Variants in KIAA1328 observed in about 807,000 individuals in gnomAD.
KIAA1328 encodes the protein KIAA1328.
Under a neutral mutation model 68.1 loss-of-function variants are expected in KIAA1328, and 52 were observed. The ratio of observed to expected loss-of-function variants is 0.76; its 90% CI spans 0.61 to 0.96. The LOEUF (loss-of-function observed/expected upper bound fraction) is 0.96. Ranked by LOEUF, KIAA1328 falls within the 40% of genes least tolerant of loss-of-function variation. KIAA1328 has a pLI of 0.00. For synonymous variants in KIAA1328, 232 were observed against 239.4 expected (o/e 0.97, Z 0.28); for missense variants, 641 against 677.6 (o/e 0.95, Z 0.60).
intron 7 of KIAA1328, chr18:37,075,461 G>C (rs937283983): frequency 6.6e-6 from 1 of 152,130 alleles, no homozygotes; most frequent in Non-Finnish European, 1.5e-5. Flanking sequence ...CATAATGACA[G>C]GAACAAATTC....
At chr18:37,026,544 C>T (rs2054589636) in intron 6 of KIAA1328, among the ~76,000 whole-genome samples, 1 of 152,150 alleles carries the variant, frequency 6.6e-6, no homozygotes, top group South Asian at 2.1e-4. Flanking sequence ...TGGTCTTCAT[C>T]CCTGGGATGC....
intron 4 of KIAA1328, among the ~76,000 whole-genome samples, chr18:36,869,606 G>T (rs1317342310): frequency 6.6e-6 from 1 of 152,012 alleles, no homozygotes; most frequent in Admixed American, 6.6e-5. Context: ...CTATTCTCAG[G>T]CAGTTTTCAT....
intron 8 of KIAA1328, among the ~76,000 whole-genome samples, chr18:37,163,984 G>A (rs1046483672): frequency 6.6e-6 from 1 of 152,080 alleles, no homozygotes; most frequent in Non-Finnish European, 1.5e-5. Context: ...ACTAAAAAAA[G>A]GAATTCAAAT....
intron 6 of KIAA1328, among the ~76,000 whole-genome samples, chr18:36,963,864 G>T (rs2051803507): frequency 6.6e-6 from 1 of 152,164 alleles, no homozygotes. Context: ...TGTACACTCA[G>T]AGCCTAACAT....
intron 9 of KIAA1328, among the ~76,000 whole-genome samples, chr18:37,213,511 G>A (rs1012592306): frequency 2.0e-5 from 3 of 152,164 alleles, no homozygotes; most frequent in Non-Finnish European, 4.4e-5. Flanking sequence ...GTATTCCATG[G>A]TGTATATGTG....
rs1353978222 is a variant in KIAA1328, at chr18:37,004,928, A to C, written c.576+45493A>C. Among the ~76,000 whole-genome samples the C allele has an allele frequency of 1.3e-5, 2 of 152,192 alleles. 1 individual carries two copies. The highest frequency in any genetic ancestry group is 4.1e-4 in the South Asian group (2 of 4,832). On this transcript the variant is annotated intron_variant, in intron 6 of 9. Coordinates refer to ENST00000280020, the MANE Select transcript of KIAA1328 (RefSeq NM_020776.3). ...GATTACTACTCAGCCATAAAAAGGA[A>C]CAAATTAATGACATTTGCAGCCACC...
chr18:37,022,608 T>C (rs915081666), intron 6 of KIAA1328, among the ~76,000 whole-genome samples: 2 of 152,152 alleles, frequency 1.3e-5, no homozygotes, highest in Non-Finnish European at 2.9e-5. Context: ...TATCTTCCAA[T>C]AAAAAACTCT....
At chr18:36,989,230 G>A (rs935685329) in intron 6 of KIAA1328, among the ~76,000 whole-genome samples, 16 of 152,002 alleles carry the variant, frequency 1.1e-4, no homozygotes, top group Admixed American at 7.2e-4. Context: ...GGTGCTTTGA[G>A]AATAAAAATG....
intron 7 of KIAA1328, among the ~76,000 whole-genome samples, chr18:37,135,079 A>G (rs912616336): frequency 6.6e-6 from 1 of 151,988 alleles, no homozygotes; most frequent in Admixed American, 6.6e-5. Context: ...TACTTGCCAT[A>G]TTTCCTTTGT....
intron 5 of KIAA1328, among the ~76,000 whole-genome samples, chr18:36,925,196 C>A (rs2050067294): frequency 1.3e-5 from 2 of 151,982 alleles, no homozygotes; most frequent in South Asian, 2.1e-4. Context: ...TGTGAAATCT[C>A]TATATAATTT....
chr18:37,120,595 CAAA>C (rs1051672765), intron 7 of KIAA1328, among the ~76,000 whole-genome samples: 2 of 152,088 alleles, frequency 1.3e-5, no homozygotes, highest in Non-Finnish European at 2.9e-5. Context: ...TTACTTAAGA[CAAA>C]GAAGGTCTGG....
Position 37,223,987 on chromosome 18 carries a change from T to C in KIAA1328, c.*1760T>C, listed in dbSNP as rs572525311. ...TCTTTATAAAGTTCACCTCTGAGAGTAACCAAATCGGTTTCATCCCATATC... is the reference window on the plus strand; with the variant it reads ...TCTTTATAAAGTTCACCTCTGAGAGCAACCAAATCGGTTTCATCCCATATC... On this transcript the variant is annotated 3_prime_UTR_variant, in exon 10 of 10. Transcript: ENST00000280020. 6.8e-5 allele frequency: 67 copies of C among 985,410 alleles called. No individual in the cohort carries two copies. In the African/African-American group the frequency reaches 1.2e-3, roughly 17 times the overall value. The allele number at this position is 985,410 out of a possible 1,614,324, so 61.0% of individuals were successfully genotyped here.
chr18:37,057,154 ATTG>A (rs2055943789), intron 6 of KIAA1328, among the ~76,000 whole-genome samples: 2 of 152,094 alleles, frequency 1.3e-5, no homozygotes, highest in African/African-American at 4.8e-5. Flanking sequence ...TTCAAGTCAT[ATTG>A]TTCACTTTTA....
intron 9 of KIAA1328, among the ~76,000 whole-genome samples, chr18:37,217,087 A>C (rs560630245): frequency 3.9e-4 from 59 of 149,850 alleles, no homozygotes; most frequent in African/African-American, 1.3e-3. Flanking sequence ...GAGTCTCCTG[A>C]ATACAGCACA....
At chr18:36,982,755 T>G (rs978554621) in intron 6 of KIAA1328, among the ~76,000 whole-genome samples, 11 of 152,014 alleles carry the variant, frequency 7.2e-5, no homozygotes, top group Admixed American at 6.5e-4. Flanking sequence ...TATAAGTCAT[T>G]TTAAATGTAA....
chr18:37,173,008 T>C lies in KIAA1328; in HGVS notation c.1450T>C (p.Ser484Pro). ...VTGVRKDAST[S>P]PMPTGSLKDF... ...AGGAGTTAGAAAAGATGCGTCTACA[T>C]CTCCTATGCCAACAGGAAGCCTAAA... The change falls in exon 9 of 10, where the codon TCT becomes CCT. Residue 484 changes from serine to proline, a missense_variant. Ser to Pro is a moderately conservative substitution (Grantham distance 74, BLOSUM62 -1). Transcript: ENST00000280020. 6.2e-7 allele frequency: 1 copy of C among 1,613,634 alleles called. No homozygotes were observed. Among genetic ancestry groups the C allele is most frequent in the Non-Finnish European group, 8.5e-7 (1 of 1,179,664 alleles).
chr18:37,103,220 G>C (rs1210235367), intron 7 of KIAA1328, among the ~76,000 whole-genome samples: 1 of 152,016 alleles, frequency 6.6e-6, no homozygotes, highest in Non-Finnish European at 1.5e-5. Flanking sequence ...GCAATACCGA[G>C]CAAAAGGTTA....
Position 37,066,990 on chromosome 18 carries a change from G to T in KIAA1328, c.677G>T (p.Arg226Ile). The change falls in exon 7 of 10, where the codon AGA becomes ATA. Residue 226 changes from arginine (R) to isoleucine (I), a missense_variant. Arg to Ile is a moderately conservative substitution (Grantham distance 97). Transcript: ENST00000280020. Reference protein sequence around the residue: ...RPQTYYQTKQRPKSAVQDSAS... With the variant: ...RPQTYYQTKQIPKSAVQDSAS... ...CAGACCTACTATCAAACCAAGCAAA[G>T]ACCTAAGTCTGCAGTCCAGGATTCA... The T allele has an allele frequency of 1.2e-6, 2 of 1,613,702 alleles. No individual in the cohort carries two copies. Among genetic ancestry groups the T allele is most frequent in the Non-Finnish European group, 1.7e-6 (2 of 1,179,766 alleles).
At chr18:37,148,077 A>T (rs2058944438) in intron 7 of KIAA1328, among the ~76,000 whole-genome samples, 1 of 152,080 alleles carries the variant, frequency 6.6e-6, no homozygotes, top group South Asian at 2.1e-4. Context: ...CCCATCGCAT[A>T]GACATTAAGC....
Sources: allele counts gnomAD v4.1 joint callset (sites outside exome capture counted in the v4.1 genomes callset), GRCh38; gene constraint gnomAD v4.1.1; transcripts MANE v1.5; gene names NCBI Gene and HGNC (gene_info 2026-07-23, HGNC 2026-07-21).